QDPR: variants seen among roughly 807,000 people sequenced by gnomAD.
QDPR encodes dihydropteridine reductase.
In QDPR, 23 loss-of-function variants were observed where a neutral mutation model predicts 31.7. The observed-to-expected ratio is 0.73, with a 90% confidence interval of 0.52 to 1.03. The LOEUF (loss-of-function observed/expected upper bound fraction) is 1.03. Among genes scored for constraint, QDPR ranks in the 50% least tolerant of loss-of-function variants. The pLI, the probability that QDPR is intolerant of heterozygous loss-of-function variation, is 0.00. For synonymous variants in QDPR, 124 were observed against 124.7 expected, an observed-to-expected ratio of 0.99 and a Z score of 0.03; for missense variants, 324 against 323.8, an observed-to-expected ratio of 1.00 and a Z score of 0.00.
In QDPR at chr4:17,512,009, A is replaced by ACAC; in HGVS notation, c.43_45dup (p.Val15dup). 2.5e-6 allele frequency: 4 copies of ACAC among 1,608,866 alleles called. No homozygotes were observed. The highest frequency in any genetic ancestry group is 3.4e-6 in the Non-Finnish European group (4 of 1,178,378). ...GAACCCAGAGCGCCCCTGCCGCCGT[A>ACAC]CACCAGCACCCGGCGCGCCTCGCCT... On this transcript the variant is annotated inframe_insertion, in exon 1 of 7. Coordinates refer to ENST00000281243, the MANE Select transcript of QDPR (RefSeq NM_000320.3).
At chr4:17,495,233 A>G (rs28418409) in intron 4 of QDPR, among the ~76,000 whole-genome samples, 16,361 of 152,100 alleles carry the variant, frequency 0.11, 1,790 homozygotes, top group East Asian at 0.44. Context: ...CCATCAAACC[A>G]ACCTGCCATC....
chr4:17,509,208 C>T, intron 2 of QDPR, 63 bp downstream of exon 2: 1 of 1,226,438 alleles, frequency 8.2e-7, no homozygotes, highest in Non-Finnish European at 1.2e-6. Flanking sequence ...GAAGAACATA[C>T]AGCCAGTGGT....
At chr4:17,493,935 C>T (rs1006947026) in intron 4 of QDPR, among the ~76,000 whole-genome samples, 3 of 152,084 alleles carry the variant, frequency 2.0e-5, no homozygotes, top group Non-Finnish European at 2.9e-5. Context: ...GGGCTCATAA[C>T]GACACACAGG....
Position 17,492,224 on chromosome 4 carries a change from G to A in QDPR, c.545+8C>T. ...GTGGGCAGCAGCCAGGGAACCCCAAGCACTTACGGGAGCACAGCGATGGCG... is the reference window on the plus strand; with the variant it reads ...GTGGGCAGCAGCCAGGGAACCCCAAACACTTACGGGAGCACAGCGATGGCG... On this transcript the variant is annotated splice_region_variant and intron_variant, in intron 5 of 6. Coordinates refer to ENST00000281243, the MANE Select transcript of QDPR (RefSeq NM_000320.3). 6.2e-7 allele frequency: 1 copy of A among 1,611,790 alleles called. No individual in the cohort carries two copies. Among genetic ancestry groups the A allele is most frequent in the Non-Finnish European group, 8.5e-7 (1 of 1,178,256 alleles).
intron 6 of QDPR, among the ~76,000 whole-genome samples, chr4:17,489,142 G>A (rs999080183): frequency 1.3e-5 from 2 of 152,218 alleles, no homozygotes; most frequent in African/African-American, 2.4e-5. Flanking sequence ...GCGTGGATAG[G>A]TGAGTGAGAA....
chr4:17,511,935 A>C lies in QDPR; in HGVS notation c.105+15T>G. The C allele has an allele frequency of 6.2e-7, 1 of 1,605,000 alleles. No individual in the cohort carries two copies. The highest frequency in any genetic ancestry group is 8.5e-7 in the Non-Finnish European group (1 of 1,176,730). On this transcript the variant is annotated intron_variant, in intron 1 of 6. Transcript: ENST00000281243. ...ACCCCCGCGGAGACCCAGCAGCCCC[A>C]GCCCGCAGCATTACCCAGTTGCGGG...
At position 17,495,382 on chromosome 4, in the gene QDPR, C is replaced by T. The variant is rs963328471; in HGVS notation, c.437-3042G>A. ...ATCCCTAGGCTCAGTGTTAGAAAGA[C>T]GAAGAAGCACAAGGCAGCTCCCTGG... On this transcript the variant is annotated intron_variant, in intron 4 of 6. Coordinates refer to ENST00000281243, the MANE Select transcript of QDPR (RefSeq NM_000320.3). Among the ~76,000 whole-genome samples the T allele has an allele frequency of 5.9e-5, 9 of 152,240 alleles. 1 individual carries two copies. In the South Asian group the frequency reaches 1.7e-3, roughly 28 times the overall value.
chr4:17,510,289 C>T (rs1413736779), intron 1 of QDPR, among the ~76,000 whole-genome samples: 2 of 152,174 alleles, frequency 1.3e-5, no homozygotes, highest in Non-Finnish European at 2.9e-5. Context: ...GGCTTTCTCA[C>T]TCCGATGCCG....
intron 1 of QDPR, among the ~76,000 whole-genome samples, chr4:17,510,249 A>T (rs1198318348): frequency 6.6e-6 from 1 of 152,212 alleles, no homozygotes; most frequent in Non-Finnish European, 1.5e-5. Context: ...AATCAGACAG[A>T]TCAGGTTTGA....
intron 3 of QDPR, among the ~76,000 whole-genome samples, chr4:17,503,977 A>C (rs936704511): frequency 3.3e-5 from 5 of 149,518 alleles, no homozygotes; most frequent in Middle Eastern, 3.4e-3. Context: ...AGTAGAGGGG[A>C]GGGGAGGGAA....
intron 4 of QDPR, among the ~76,000 whole-genome samples, chr4:17,500,470 G>A (rs894162892): frequency 6.6e-6 from 1 of 152,132 alleles, no homozygotes; most frequent in Non-Finnish European, 1.5e-5. Context: ...TCTTTAAAGA[G>A]GCAACAAAGT....
chr4:17,510,448 TTA>T (rs2108998062), intron 1 of QDPR, among the ~76,000 whole-genome samples: 1 of 152,316 alleles, frequency 6.6e-6, no homozygotes, highest in African/African-American at 2.4e-5. Flanking sequence ...CCAGAGATAA[TTA>T]TCTCTACCTT....
At chr4:17,511,524 G>A (rs571724556) in intron 1 of QDPR, among the ~76,000 whole-genome samples, 15 of 152,330 alleles carry the variant, frequency 9.8e-5, no homozygotes, top group African/African-American at 3.6e-4. Flanking sequence ...CAGAATCTCC[G>A]TTGTACAAAT....
intron 5 of QDPR, 92 bp downstream of exon 5, chr4:17,492,140 C>T: frequency 2.0e-6 from 2 of 992,094 alleles, no homozygotes; most frequent in East Asian, 2.4e-5. Flanking sequence ...AGAGCACACC[C>T]AGGTCGCCTG....
Position 17,512,034 on chromosome 4 carries a change from T to A in QDPR, c.21A>T (p.Ala7=). 1 of 1,603,558 alleles carries A rather than the reference T, an allele frequency of 6.2e-7. No individual in the cohort carries two copies. The highest frequency in any genetic ancestry group is 8.5e-7 in the Non-Finnish European group (1 of 1,176,284). MAAAAA[A]GEARRVLVYG... ...ACACCAGCACCCGGCGCGCCTCGCC[T>A]GCAGCCGCCGCCGCCGCCATCCTGC... Residue 7 remains alanine, a synonymous_variant, in exon 1 of 7, where the codon GCA becomes GCT. Coordinates refer to ENST00000281243, the MANE Select transcript of QDPR (RefSeq NM_000320.3).
At position 17,489,264 on chromosome 4, in the gene QDPR, T is replaced by C. The variant is rs1231360495; in HGVS notation, c.629+1398A>G. Among the ~76,000 whole-genome samples, 4 of 152,084 alleles carry C rather than the reference T, an allele frequency of 2.6e-5. No homozygotes were observed. The East Asian group carries it at 5.8e-4, about 22-fold the overall frequency. ...AAATACCACAAATGGGTGGATGTGA[T>C]CTCTAGAACAAAAGGGGGCCTGTGA... On this transcript the variant is annotated intron_variant, in intron 6 of 6. Transcript: ENST00000281243.
At chr4:17,505,244 T>C (rs1024843541) in intron 2 of QDPR, among the ~76,000 whole-genome samples, 1 of 85,204 alleles carries the variant, frequency 1.2e-5, no homozygotes, top group South Asian at 3.6e-4. Flanking sequence ...TTAAGATTTC[T>C]TTTTTTTTTT....
At chr4:17,493,526 T>C (rs1298328606) in intron 4 of QDPR, among the ~76,000 whole-genome samples, 1 of 152,144 alleles carries the variant, frequency 6.6e-6, no homozygotes, top group Non-Finnish European at 1.5e-5. Flanking sequence ...AACCCCCTCT[T>C]CAGGTGCAAT....
chr4:17,500,263 A>AT (rs34528211), intron 4 of QDPR, among the ~76,000 whole-genome samples: 2 of 142,730 alleles, frequency 1.4e-5, no homozygotes, highest in Non-Finnish European at 3.2e-5. Flanking sequence ...AAAAGCTCCC[A>AT]TTTTTTTAAA....
Sources: gnomAD v4.1 joint callset for allele counts (sites outside exome capture counted in the v4.1 genomes callset) on GRCh38, gnomAD v4.1.1 for gene constraint, MANE v1.5 for transcripts, NCBI Gene and HGNC (gene_info 2026-07-23, HGNC 2026-07-21) for gene names.